Variants in ZNF83 observed in about 807,000 individuals in gnomAD.
The protein encoded by ZNF83 is zinc finger protein 816B.
For synonymous variants in ZNF83, 209 were observed against 213.0 expected (o/e 0.98, Z 0.17); for missense variants, 552 against 629.9 (o/e 0.88, Z 1.32).
At position 52,637,526 on chromosome 19, in the gene ZNF83, C is replaced by CT. The variant is rs1018010412; in HGVS notation, c.-322+785dup. Among the ~76,000 whole-genome samples, 47 of 151,808 alleles carry CT rather than the reference C, an allele frequency of 3.1e-4. No individual in the cohort carries two copies. In the East Asian group the frequency reaches 7.2e-3, roughly 23 times the overall value. ...CCAGTTACTTTTCTCCTCCTGCTTT[C>CT]TTTTTTTTTCTTTTCACTTTTGCTG... is the stretch of plus-strand genomic sequence containing the variant. On this transcript the variant is annotated intron_variant, in intron 1 of 2. Coordinates refer to ENST00000301096, the Ensembl canonical transcript of ZNF83.
intron 1 of ZNF83, among the ~76,000 whole-genome samples, chr19:52,665,463 T>G (rs1376288465): frequency 6.6e-6 from 1 of 152,192 alleles, no homozygotes; most frequent in Non-Finnish European, 1.5e-5. Flanking sequence ...GCATATAAAT[T>G]GCCCAGTTGT....
chr19:52,657,762 G>T (rs868319409), intron 2 of ZNF83, among the ~76,000 whole-genome samples: 1 of 151,728 alleles, frequency 6.6e-6, no homozygotes, highest in African/African-American at 2.4e-5. Flanking sequence ...CAGGAGAATC[G>T]CTTGAACCTG....
At chr19:52,643,677 G>C (rs1452362601) in intron 3 of ZNF83, among the ~76,000 whole-genome samples, 1 of 151,904 alleles carries the variant, frequency 6.6e-6, no homozygotes, top group African/African-American at 2.4e-5. Flanking sequence ...CTCCAGCCTG[G>C]GTGACAAGAG....
upstream of ZNF83, among the ~76,000 whole-genome samples, chr19:52,642,073 C>T (rs1302469661): frequency 6.6e-6 from 1 of 152,000 alleles, no homozygotes; most frequent in East Asian, 1.9e-4. Flanking sequence ...CTCATTGACT[C>T]TGAATTTTTA....
intron 1 of ZNF83, among the ~76,000 whole-genome samples, chr19:52,676,200 C>T (rs1006835435): frequency 3.3e-5 from 5 of 152,198 alleles, no homozygotes; most frequent in Non-Finnish European, 7.4e-5. Flanking sequence ...TTGGGCTGGT[C>T]TCCAGCTCCT....
chr19:52,681,280 CAAAAAAAAAA>C (rs56916405), intron 1 of ZNF83, among the ~76,000 whole-genome samples: 7 of 75,440 alleles, frequency 9.3e-5, no homozygotes, highest in African/African-American at 2.8e-4. Flanking sequence ...GAGACTTTCT[CAAAAAAAAAA>C]AAAAAAAAAA....
At chr19:52,653,986 T>C (rs1012554137) in intron 3 of ZNF83, 8 of 1,429,696 alleles carry the variant, frequency 5.6e-6, no homozygotes, top group African/African-American at 1.4e-5. Context: ...ATTAGAAATA[T>C]GGGTTTTGAG....
chr19:52,641,614 CTT>C (rs1273454827), upstream of ZNF83, among the ~76,000 whole-genome samples: 1 of 152,076 alleles, frequency 6.6e-6, no homozygotes, highest in African/African-American at 2.4e-5. Flanking sequence ...GAGTTTCTCT[CTT>C]GTTGCCCAGG....
At chr19:52,624,098 G>A (rs2060648865) in intron 2 of ZNF83, among the ~76,000 whole-genome samples, 1 of 151,926 alleles carries the variant, frequency 6.6e-6, no homozygotes, top group African/African-American at 2.4e-5. Context: ...CTGCCGCAAG[G>A]CTTCCGGGAT....
At chr19:52,681,418 T>A (rs1345979469) in intron 1 of ZNF83, among the ~76,000 whole-genome samples, 1 of 152,008 alleles carries the variant, frequency 6.6e-6, no homozygotes, top group Non-Finnish European at 1.5e-5. Context: ...CCAATGAATT[T>A]GATAGAAAAG....
chr19:52,612,982 A>C, exon 3 of ZNF83: 2 of 1,517,584 alleles, frequency 1.3e-6, no homozygotes, highest in Non-Finnish European at 1.8e-6. Context: ...ATGTCTTACA[A>C]GGCTTTAATG....
intron 3 of ZNF83, among the ~76,000 whole-genome samples, chr19:52,647,478 C>T (rs2061387174): frequency 6.6e-6 from 1 of 151,956 alleles, no homozygotes; most frequent in Admixed American, 6.6e-5. Context: ...TGGGGGGTCT[C>T]ACTATGTTAC....
chr19:52,634,739 T>G (rs1413058597), intron 2 of ZNF83, among the ~76,000 whole-genome samples: 1 of 151,836 alleles, frequency 6.6e-6, no homozygotes, highest in African/African-American at 2.4e-5. Context: ...CCACAGAGAG[T>G]TGACAGAGCA....
At chr19:52,657,992 C>T (rs1332561099) in intron 2 of ZNF83, among the ~76,000 whole-genome samples, 2 of 151,784 alleles carry the variant, frequency 1.3e-5, no homozygotes, top group African/African-American at 2.4e-5. Flanking sequence ...CAAAATTAGC[C>T]GGGTATGGTG....
rs139670986 is a variant in ZNF83 at position 52,646,422 on chromosome 19, G to A, written c.-74+9139C>T. On this transcript the variant is annotated intron_variant, in intron 3 of 5. Coordinates refer to the ZNF83 transcript ENST00000594682. ...AAACTAGCTGGGATTGGTGGCTCAT[G>A]CCTGTGGTCCTAGCTACTCGGGAGG... Among the ~76,000 whole-genome samples, 988 of 152,214 alleles carry A rather than the reference G, an allele frequency of 6.5e-3. 6 individuals carry two copies. The highest frequency in any genetic ancestry group is 0.023 in the African/African-American group (937 of 41,522).
intron 1 of ZNF83, among the ~76,000 whole-genome samples, chr19:52,675,095 A>T (rs2061780591): frequency 6.6e-6 from 1 of 152,222 alleles, no homozygotes; most frequent in Non-Finnish European, 1.5e-5. Flanking sequence ...AATGTCACTG[A>T]AGGCTGACAA....
At chr19:52,667,377 A>G (rs2061669281) in intron 1 of ZNF83, among the ~76,000 whole-genome samples, 1 of 152,202 alleles carries the variant, frequency 6.6e-6, no homozygotes, top group African/African-American at 2.4e-5. Context: ...ATTGTCTGTC[A>G]AAGTTGTGAA....
At chr19:52,648,694 AC>A (rs2061406165) in intron 3 of ZNF83, among the ~76,000 whole-genome samples, 1 of 152,074 alleles carries the variant, frequency 6.6e-6, no homozygotes, top group Admixed American at 6.5e-5. Flanking sequence ...CCTTAGATCC[AC>A]CACAGTCAGC....
At position 52,666,964 on chromosome 19, in the gene ZNF83, C is replaced by T. The variant is rs909558651; in HGVS notation, c.-282-6121G>A. On this transcript the variant is annotated intron_variant, in intron 1 of 5. Coordinates refer to the ZNF83 transcript ENST00000594682. ...ACTGCTGAAATGTGCAAGCTGTTTG[C>T]ACTCAGCCAAACTTTAAAGTAGTTA... 3.3e-5 allele frequency among the ~76,000 whole-genome samples: 5 copies of T among 152,276 alleles called. No individual in the cohort carries two copies. The East Asian group carries it at 9.7e-4, about 29-fold the overall frequency.
Sources: gnomAD v4.1 joint callset for allele counts (sites outside exome capture counted in the v4.1 genomes callset) on GRCh38, gnomAD v4.1.1 for gene constraint, MANE v1.5 for transcripts, NCBI Gene and HGNC (gene_info 2026-07-23, HGNC 2026-07-21) for gene names.